CTNNA2: variants seen among roughly 807,000 people sequenced by gnomAD.
CTNNA2 encodes catenin alpha-2.
CTNNA2 carries 42 observed loss-of-function variants against 101.0 expected under a neutral mutation model. The ratio of observed to expected loss-of-function variants is 0.42; its 90% CI spans 0.32 to 0.54. CTNNA2 has a LOEUF of 0.54. Ranked by LOEUF, CTNNA2 falls within the 20% of genes least tolerant of loss-of-function variation. CTNNA2 has a pLI of 0.14. For synonymous variants in CTNNA2, 450 were observed against 456.4 expected, an observed-to-expected ratio of 0.99 and a Z score of 0.18; for missense variants, 871 against 1,223.1, an observed-to-expected ratio of 0.71 and a Z score of 4.29.
At chr2:80,461,231 C>G (rs1262533581) in intron 9 of CTNNA2, among the ~76,000 whole-genome samples, 2 of 152,070 alleles carry the variant, frequency 1.3e-5, no homozygotes, top group East Asian at 1.9e-4. Flanking sequence ...ATCTGATCAC[C>G]CTCCTTGTCT....
chr2:80,036,850 A>T (rs6709898), intron 7 of CTNNA2, among the ~76,000 whole-genome samples: 6,339 of 23,544 alleles, frequency 0.27, 325 homozygotes, highest in African/African-American at 0.38. Context: ...TGTGTGTGTG[A>T]GAGAGAGAGA....
In CTNNA2 at chr2:79,478,433, G is replaced by A. The variant is rs192057534; in HGVS notation, c.-134-26621G>A. 3.2e-3 allele frequency among the ~76,000 whole-genome samples: 488 copies of A among 152,228 alleles called. 3 individuals carry two copies. Among genetic ancestry groups the A allele is most frequent in the Non-Finnish European group, 5.3e-3 (363 of 68,014 alleles). ...TAGAAACACAATGAAACACTGTAAGGCAGAGTCAATAAATGAAAGGTGGCT... is the reference window on the plus strand; with the variant it reads ...TAGAAACACAATGAAACACTGTAAGACAGAGTCAATAAATGAAAGGTGGCT... On this transcript the variant is annotated intron_variant, in intron 4 of 21. Transcript: ENST00000466387.
At chr2:80,203,821 G>A (rs1256662142) in intron 7 of CTNNA2, among the ~76,000 whole-genome samples, 1 of 152,324 alleles carries the variant, frequency 6.6e-6, no homozygotes, top group South Asian at 2.1e-4. Flanking sequence ...CTTAGCAGAG[G>A]TTCTCTATGA....
chr2:79,511,706 T>C (rs1671547210), upstream of CTNNA2, among the ~76,000 whole-genome samples: 2 of 152,144 alleles, frequency 1.3e-5, no homozygotes, highest in South Asian at 4.1e-4. Context: ...TCTCCAGTCA[T>C]TCCCTAGAGA....
At chr2:80,221,092 A>G (rs1708549159) in intron 7 of CTNNA2, among the ~76,000 whole-genome samples, 1 of 152,154 alleles carries the variant, frequency 6.6e-6, no homozygotes, top group Non-Finnish European at 1.5e-5. Context: ...CATGTTGGCC[A>G]GGCTGGTCTC....
intron 8 of CTNNA2, among the ~76,000 whole-genome samples, chr2:80,409,089 G>A (rs1326815322): frequency 1.3e-5 from 2 of 152,100 alleles, no homozygotes; most frequent in South Asian, 2.1e-4. Context: ...TTCCAAATAC[G>A]CAGAAAAGTT....
chr2:80,240,157 G>A (rs949893605), intron 7 of CTNNA2, among the ~76,000 whole-genome samples: 1 of 152,142 alleles, frequency 6.6e-6, no homozygotes, highest in African/African-American at 2.4e-5. Context: ...CCCTCAGTGA[G>A]CTGAGTTCTG....
chr2:79,561,038 A>G (rs926315369), intron 1 of CTNNA2, among the ~76,000 whole-genome samples: 9 of 151,944 alleles, frequency 5.9e-5, no homozygotes, highest in Admixed American at 1.3e-4. Flanking sequence ...TAATTCCAGA[A>G]TATTTTCCTT....
chr2:79,330,490 T>C (rs1049120440), intron 3 of CTNNA2, among the ~76,000 whole-genome samples: 1 of 152,086 alleles, frequency 6.6e-6, no homozygotes, highest in Admixed American at 6.6e-5. Flanking sequence ...TCAGCAGCCT[T>C]GAAGCAACGC....
chr2:79,692,452 G>A (rs371013761), intron 2 of CTNNA2, among the ~76,000 whole-genome samples: 2 of 152,224 alleles, frequency 1.3e-5, no homozygotes, highest in South Asian at 2.1e-4. Flanking sequence ...TATTGTGGAA[G>A]ACAGTGTGGC....
At chr2:80,590,015 T>C (rs1305018182) in intron 15 of CTNNA2, among the ~76,000 whole-genome samples, 1 of 152,222 alleles carries the variant, frequency 6.6e-6, no homozygotes, top group East Asian at 1.9e-4. Context: ...TACAACAATC[T>C]AAGATTCCAT....
chr2:79,235,526 A>T (rs1674544890), intron 2 of CTNNA2, among the ~76,000 whole-genome samples: 1 of 152,036 alleles, frequency 6.6e-6, no homozygotes, highest in South Asian at 2.1e-4. Context: ...TAGGTGCTCT[A>T]ATCCACAGTG....
intron 4 of CTNNA2, among the ~76,000 whole-genome samples, chr2:79,377,658 G>A (rs944576609): frequency 1.3e-5 from 2 of 152,142 alleles, no homozygotes; most frequent in African/African-American, 4.8e-5. Context: ...CTGGGGAAAA[G>A]GGCATGTTTG....
intron 2 of CTNNA2, among the ~76,000 whole-genome samples, chr2:79,218,446 G>C (rs1674298062): frequency 6.6e-6 from 1 of 151,660 alleles, no homozygotes; most frequent in Non-Finnish European, 1.5e-5. Flanking sequence ...GCCTCCCAAA[G>C]AGCTGGGATT....
In CTNNA2 at chr2:79,319,873, AG is replaced by A. The variant is rs887489937; in HGVS notation, c.-318+7078del. On this transcript the variant is annotated intron_variant, in intron 3 of 21. Transcript: ENST00000466387. Reference sequence around the variant, plus strand: ...GAAGATAAGAGGCAAAGAAGAAGAGAGCCCCACCCACTGGGGCAAGCTGGGG... The same window carrying A: ...GAAGATAAGAGGCAAAGAAGAAGAGACCCCACCCACTGGGGCAAGCTGGGG... The A allele has an allele frequency of 2.6e-4, 40 of 152,298 alleles. 1 individual carries two copies. The highest frequency in any genetic ancestry group is 9.6e-4 in the African/African-American group (40 of 41,554). The allele number at this position is 152,298 out of a possible 1,614,324, so 9.4% of individuals were successfully genotyped here.
intron 6 of CTNNA2, among the ~76,000 whole-genome samples, chr2:79,874,858 G>A (rs993801922): frequency 1.3e-5 from 2 of 152,144 alleles, no homozygotes; most frequent in African/African-American, 4.8e-5. Context: ...ATCCCTTCCA[G>A]GTAGATGAGA....
chr2:79,447,671 C>G (rs568727323), intron 4 of CTNNA2, among the ~76,000 whole-genome samples: 53 of 152,090 alleles, frequency 3.5e-4, no homozygotes, highest in Non-Finnish European at 7.4e-4. Flanking sequence ...CAGTCACCAG[C>G]TGGGTGACCT....
At chr2:79,753,543 C>G (rs1256886854) in intron 3 of CTNNA2, among the ~76,000 whole-genome samples, 1 of 152,186 alleles carries the variant, frequency 6.6e-6, no homozygotes, top group Admixed American at 6.5e-5. Flanking sequence ...CGTTCGACAA[C>G]AGCATTTTCA....
intron 3 of CTNNA2, among the ~76,000 whole-genome samples, chr2:79,817,424 A>G (rs12477562): frequency 1.3e-5 from 2 of 149,770 alleles, no homozygotes; most frequent in African/African-American, 4.9e-5. Flanking sequence ...TTGCCATAGA[A>G]TAAGTAGCCT....
Sources: gnomAD v4.1 joint callset for allele counts (sites outside exome capture counted in the v4.1 genomes callset) on GRCh38, gnomAD v4.1.1 for gene constraint, MANE v1.5 for transcripts, NCBI Gene and HGNC (gene_info 2026-07-23, HGNC 2026-07-21) for gene names.